Variants in OTOA observed in about 807,000 individuals in gnomAD.
OTOA encodes otoancorin.
OTOA carries 70 observed loss-of-function variants against 110.8 expected under a neutral mutation model. The observed-to-expected ratio is 0.63, with a 90% CI of 0.52 to 0.77. The LOEUF (loss-of-function observed/expected upper bound fraction) is 0.77, where lower values mean the gene tolerates loss of function less well. OTOA is among the 30% of genes least tolerant of loss of function. OTOA has a pLI of 0.00. For missense variants in OTOA, 917 were observed against 1,075.8 expected, an observed-to-expected ratio of 0.85 and a Z score of 2.06; for synonymous variants, 373 against 431.5, an observed-to-expected ratio of 0.86 and a Z score of 1.68.
intron 9 of OTOA, 148 bp from the exon 10 acceptor site, chr16:21,697,627 G>A: frequency 1.4e-6 from 1 of 729,026 alleles, no homozygotes. Context: ...GTGAGATTCT[G>A]TCTCAAAAAA....
chr16:21,716,918 G>C lies in OTOA; in HGVS notation c.1500G>C (p.Ala500=), dbSNP rs199908646. ...CTCGCTTCTGGCAGATGGTCCAAGC[G>C]GAAGACACTGCCCCAGGCATCGTGG... ...QQGILSKMVQ[A]EDTAPGIVEI... The change falls in exon 15 of 29, where the codon GCG becomes GCC. Residue 500 remains alanine (A), a synonymous_variant. Transcript: ENST00000646100. 6.6e-5 allele frequency: 106 copies of C among 1,613,896 alleles called. 1 individual carries two copies. In the Middle Eastern group the frequency reaches 6.1e-3, roughly 93 times the overall value.
intron 13 of OTOA, among the ~76,000 whole-genome samples, chr16:21,714,563 G>A (rs1898490720): frequency 1.3e-5 from 2 of 150,058 alleles, no homozygotes; most frequent in South Asian, 4.2e-4. Context: ...CCAGTCTGGA[G>A]TGCAATGGTA....
rs201907941 is a variant in OTOA at position 21,728,357 on chromosome 16, C to G, written c.2133C>G (p.His711Gln). 3 of 1,614,152 alleles carry G rather than the reference C, an allele frequency of 1.9e-6. No individual in the cohort carries two copies. The highest frequency in any genetic ancestry group is 3.3e-5 in the Admixed American group (2 of 60,022). The change falls in exon 20 of 29, where the codon CAC (histidine) becomes CAG (glutamine). Residue 711 changes from histidine (H) to glutamine (Q), a missense_variant. By Grantham distance (24) the His-to-Gln change is conservative. Coordinates refer to ENST00000646100, the MANE Select transcript of OTOA (RefSeq NM_144672.4). ...CCAGGGCTTGGGCGACTGCTCTACA[C>G]GGCCTCAGAGACTGCCCAGACCTCA... ...ISPRAWATAL[H>Q]GLRDCPDLNP...
intron 11 of OTOA, chr16:21,704,933 T>C (rs1898126727): frequency 1.3e-6 from 1 of 786,730 alleles, no homozygotes; most frequent in South Asian, 1.3e-5. Flanking sequence ...TCGTGGACCA[T>C]GCCATGTGGT....
intron 13 of OTOA, among the ~76,000 whole-genome samples, chr16:21,710,868 T>A (rs750928645): frequency 6.6e-5 from 10 of 152,122 alleles, no homozygotes; most frequent in Admixed American, 1.3e-4. Context: ...CTGGGCGTGG[T>A]GGTGCATGCC....
chr16:21,703,735 TGA>T (rs1567376735), intron 11 of OTOA, among the ~76,000 whole-genome samples: 1 of 152,182 alleles, frequency 6.6e-6, no homozygotes, highest in African/African-American at 2.4e-5. Flanking sequence ...AATATCGCTC[TGA>T]GAGGGTGGAG....
intron 8 of OTOA, 117 bp from the exon 9 acceptor site, chr16:21,691,467 G>T: frequency 1.3e-6 from 1 of 795,130 alleles, no homozygotes; most frequent in South Asian, 1.4e-5. Flanking sequence ...CCACATCCAG[G>T]AGAGGGAAGG....
At chr16:21,692,327 G>GA (rs769539682) in intron 9 of OTOA, among the ~76,000 whole-genome samples, 107 of 133,372 alleles carry the variant, frequency 8.0e-4, no homozygotes, top group Non-Finnish European at 7.6e-4. Context: ...ACTCCGTCTC[G>GA]AAAAAAAAAA....
At position 21,691,777 on chromosome 16, in the gene OTOA, T is replaced by C. The variant is rs1244377742; in HGVS notation, c.739+90T>C. 4.1e-6 allele frequency: 5 copies of C among 1,221,728 alleles called. No individual in the cohort carries two copies. The East Asian group carries it at 9.7e-5, about 24-fold the overall frequency. 75.7% of individuals were successfully genotyped at this position (1,221,728 alleles called of 1,614,324 possible). A position where few individuals can be genotyped will look rare whatever the true frequency, so the allele number is the denominator to read the frequency against. The stretch of plus-strand genomic sequence containing the variant: ...ATCTCTGAAAACATGGATTTGATGT[T>C]GTTCTCTTCTGATTTTTACCACCTC... On this transcript the variant is annotated intron_variant, in intron 9 of 28. Transcript: ENST00000646100.
At chr16:21,687,837 G>A (rs1897750760) in intron 8 of OTOA, among the ~76,000 whole-genome samples, 189 bp downstream of exon 8, 1 of 151,754 alleles carries the variant, frequency 6.6e-6, no homozygotes. Context: ...ACTAATTTTT[G>A]TATTTTTGTA....
At chr16:21,683,567 T>G (rs1966934971) in intron 6 of OTOA, among the ~76,000 whole-genome samples, 1 of 151,246 alleles carries the variant, frequency 6.6e-6, no homozygotes, top group Non-Finnish European at 1.5e-5. Flanking sequence ...ATTAGCTGAG[T>G]GTGGTGGTGT....
intron 20 of OTOA, chr16:21,730,211 A>G (rs1364627508): frequency 6.4e-6 from 1 of 155,562 alleles, no homozygotes; most frequent in Non-Finnish European, 1.4e-5. Flanking sequence ...TACAAGAATA[A>G]CAGTGGATTC....
Position 21,752,281 on chromosome 16 carries a change from A to C in OTOA, c.2919-88A>C. ...AGCCTACTGTGCAGTGTGTGTGTGTATGTGTGTGTGTGTGTGTGTGTGTTT... is the reference window on the plus strand; with the variant it reads ...AGCCTACTGTGCAGTGTGTGTGTGTCTGTGTGTGTGTGTGTGTGTGTGTTT... On this transcript the variant is annotated intron_variant, in intron 25 of 28. Coordinates refer to ENST00000646100, the MANE Select transcript of OTOA (RefSeq NM_144672.4). The C allele has an allele frequency of 2.7e-6, 2 of 731,808 alleles. 1 individual carries two copies. The highest frequency in any genetic ancestry group is 4.5e-6 in the Non-Finnish European group (2 of 445,902). The allele number at this position is 731,808 out of a possible 1,614,324, so 45.3% of individuals were successfully genotyped here.
intron 13 of OTOA, among the ~76,000 whole-genome samples, chr16:21,714,379 C>CTCTCTTTCCCTCTTTCTT (rs1898470922): frequency 8.6e-6 from 1 of 116,218 alleles, no homozygotes; most frequent in African/African-American, 3.0e-5. Context: ...CTCTCTCTTT[C>CTCTCTTTCCCTCTTTCTT]TCTCTTTCTC....
At chr16:21,703,615 C>G (rs1290263882) in intron 11 of OTOA, among the ~76,000 whole-genome samples, 1 of 152,148 alleles carries the variant, frequency 6.6e-6, no homozygotes, top group Admixed American at 6.6e-5. Context: ...CCTCACTTCC[C>G]CTGAGTCTTC....
chr16:21,695,221 G>C (rs1177741242), intron 9 of OTOA, among the ~76,000 whole-genome samples: 1 of 57,434 alleles, frequency 1.7e-5, no homozygotes, highest in Non-Finnish European at 4.7e-5. Context: ...GCAATGTAGT[G>C]AGACCCCCCC....
chr16:21,673,767 C>T (rs1966852415), intron 1 of OTOA, among the ~76,000 whole-genome samples: 1 of 152,122 alleles, frequency 6.6e-6, no homozygotes, highest in African/African-American at 2.4e-5. Context: ...ATGCTATGAA[C>T]ATTTGTGTAC....
chr16:21,681,957 C>A (rs1966900299), intron 6 of OTOA, 132 bp downstream of exon 6: 6 of 822,736 alleles, frequency 7.3e-6, no homozygotes, highest in Non-Finnish European at 1.2e-5. Flanking sequence ...AGGGTTCTGT[C>A]CAGTTTTTCT....
intron 13 of OTOA, among the ~76,000 whole-genome samples, chr16:21,712,521 C>A (rs1479091041): frequency 6.6e-6 from 1 of 151,556 alleles, no homozygotes; most frequent in Non-Finnish European, 1.5e-5. Context: ...TGTTCTAAAG[C>A]AAAATACCAC....
Sources: gnomAD v4.1 joint callset for allele counts (sites outside exome capture counted in the v4.1 genomes callset) on GRCh38, gnomAD v4.1.1 for gene constraint, MANE v1.5 for transcripts, NCBI Gene and HGNC (gene_info 2026-07-23, HGNC 2026-07-21) for gene names.